APBB2: variants seen among roughly 807,000 people sequenced by gnomAD.
APBB2 encodes the protein amyloid beta precursor protein binding family B member 2, also known as Fe65-like 1.
APBB2 carries 38 observed loss-of-function variants against 82.5 expected under a neutral mutation model. That is an observed-to-expected ratio of 0.46 (90% CI 0.36 to 0.60). APBB2 has a LOEUF of 0.60. APBB2 is among the 20% of genes least tolerant of loss of function. The pLI is 0.00. For missense variants in APBB2, 772 were observed against 972.3 expected (o/e 0.79, Z 2.74); for synonymous variants, 341 against 368.2 (o/e 0.93, Z 0.85).
At chr4:40,951,057 G>A (rs1266834033) in intron 6 of APBB2, among the ~76,000 whole-genome samples, 1 of 152,124 alleles carries the variant, frequency 6.6e-6, no homozygotes, top group Non-Finnish European at 1.5e-5. Flanking sequence ...GATGTAGATG[G>A]TAAAACTATA....
chr4:41,084,904 G>A (rs1046653311), intron 3 of APBB2, among the ~76,000 whole-genome samples: 2 of 152,128 alleles, frequency 1.3e-5, no homozygotes, highest in African/African-American at 4.8e-5. Context: ...CTCAGCTTCA[G>A]TATAAGTAAG....
intron 1 of APBB2, among the ~76,000 whole-genome samples, chr4:41,168,453 C>T (rs553227593): frequency 1.5e-4 from 23 of 152,096 alleles, no homozygotes; most frequent in Admixed American, 3.3e-4. Context: ...ATTCTCCTGC[C>T]TCAGCATCCT....
At chr4:40,857,501 C>T (rs1442153008) in intron 12 of APBB2, among the ~76,000 whole-genome samples, 1 of 152,174 alleles carries the variant, frequency 6.6e-6, no homozygotes, top group African/African-American at 2.4e-5. Flanking sequence ...GACAGAGTCT[C>T]GCTCTGTCGC....
chr4:40,844,170 A>G (rs1157704843), intron 12 of APBB2, among the ~76,000 whole-genome samples: 1 of 152,166 alleles, frequency 6.6e-6, no homozygotes, highest in Non-Finnish European at 1.5e-5. Flanking sequence ...TCAAATCCAG[A>G]TGGGTAGCCA....
Position 40,908,593 on chromosome 4 carries a change from C to T in APBB2, c.1255-15182G>A, listed in dbSNP as rs1414137441. Among the ~76,000 whole-genome samples the T allele has an allele frequency of 2.0e-5, 3 of 152,220 alleles. No individual in the cohort carries two copies. In the South Asian group the frequency reaches 6.2e-4, roughly 32 times the overall value. On this transcript the variant is annotated intron_variant, in intron 10 of 17. Transcript: ENST00000508593. ...CAATCTTGGGTGCACCCAGTAGCTA[C>T]ACCCGGCTGGCACCGGAGCCCAGGG...
chr4:41,103,908 C>T (rs1320041082), intron 2 of APBB2, among the ~76,000 whole-genome samples: 3 of 152,148 alleles, frequency 2.0e-5, no homozygotes, highest in African/African-American at 4.8e-5. Context: ...CAAATACAGT[C>T]CGTCCCAATA....
intron 4 of APBB2, among the ~76,000 whole-genome samples, chr4:41,049,280 G>A (rs1327281187): frequency 3.4e-5 from 5 of 146,526 alleles, no homozygotes; most frequent in African/African-American, 7.6e-5. Flanking sequence ...CGGCCGCCCC[G>A]TCGGAGAAGT....
intron 1 of APBB2, among the ~76,000 whole-genome samples, chr4:41,146,243 T>C (rs1361123384): frequency 3.3e-5 from 5 of 149,568 alleles, no homozygotes. Flanking sequence ...GGAGGATCAC[T>C]TGAACCCAGG....
intron 3 of APBB2, among the ~76,000 whole-genome samples, chr4:41,090,162 C>T (rs1383739634): frequency 6.6e-6 from 1 of 152,188 alleles, no homozygotes. Context: ...TTGAATTTAA[C>T]ATTTCCCCTC....
intron 6 of APBB2, among the ~76,000 whole-genome samples, chr4:40,949,428 T>C (rs980586626): frequency 2.0e-5 from 3 of 152,174 alleles, no homozygotes; most frequent in African/African-American, 7.2e-5. Flanking sequence ...TTCTTTAAAA[T>C]GTTTACTTAC....
chr4:41,031,480 A>G (rs1716781966), intron 5 of APBB2, among the ~76,000 whole-genome samples: 1 of 152,210 alleles, frequency 6.6e-6, no homozygotes, highest in African/African-American at 2.4e-5. Flanking sequence ...CCGATGCATG[A>G]GAGTAGTAGC....
chr4:41,152,434 T>C lies in APBB2; in HGVS notation c.-416-9292A>G, dbSNP rs149324019. Among the ~76,000 whole-genome samples the C allele has an allele frequency of 3.9e-3, 599 of 152,172 alleles. 4 individuals are homozygous for C. The highest frequency in any genetic ancestry group is 0.013 in the African/African-American group (554 of 41,532). On this transcript the variant is annotated intron_variant, in intron 1 of 17. Coordinates refer to ENST00000508593, the MANE Select transcript of APBB2 (RefSeq NM_004307.2). ...GCCTCCTGCGTTCACACCATTCTCCTGCCTCAGCCTCCCGAGTAGCTGGGA... is the reference window on the plus strand; with the variant it reads ...GCCTCCTGCGTTCACACCATTCTCCCGCCTCAGCCTCCCGAGTAGCTGGGA...
intron 10 of APBB2, among the ~76,000 whole-genome samples, chr4:40,897,956 A>G (rs1774167081): frequency 6.6e-6 from 1 of 152,198 alleles, no homozygotes; most frequent in African/African-American, 2.4e-5. Flanking sequence ...AAAAAAATCA[A>G]CATATACACT....
chr4:40,925,809 A>G (rs1325549759), intron 10 of APBB2, among the ~76,000 whole-genome samples: 2 of 152,238 alleles, frequency 1.3e-5, no homozygotes, highest in East Asian at 1.9e-4. Flanking sequence ...AGCTGCTAAT[A>G]TAATTACTTC....
rs189873258 is a variant in APBB2, at chr4:41,045,146, T to A, written c.-50-11842A>T. On this transcript the variant is annotated intron_variant, in intron 4 of 17. Coordinates refer to ENST00000508593, the MANE Select transcript of APBB2 (RefSeq NM_004307.2). ...AATTTATTTCTAAGATGATTTTTTT[T>A]AATTTCTAATTCTTTCTTGAGTTCT... Among the ~76,000 whole-genome samples, 974 of 152,290 alleles carry A rather than the reference T, an allele frequency of 6.4e-3. 10 individuals are homozygous for A. Among genetic ancestry groups the A allele is most frequent in the South Asian group, 0.011 (55 of 4,828 alleles).
chr4:40,885,692 A>G (rs1770018711), intron 12 of APBB2, among the ~76,000 whole-genome samples: 1 of 152,154 alleles, frequency 6.6e-6, no homozygotes, highest in Non-Finnish European at 1.5e-5. Context: ...AGTAATTCCA[A>G]TTTTTCTTAA....
chr4:41,037,244 T>G (rs1172487403), intron 4 of APBB2, among the ~76,000 whole-genome samples: 1 of 152,202 alleles, frequency 6.6e-6, no homozygotes, highest in Non-Finnish European at 1.5e-5. Context: ...GCATCCAAGT[T>G]GATTGCTGTG....
At chr4:40,824,947 C>A (rs541504588) in intron 15 of APBB2, among the ~76,000 whole-genome samples, 1 of 152,196 alleles carries the variant, frequency 6.6e-6, no homozygotes, top group Non-Finnish European at 1.5e-5. Context: ...TTGGGCGTTT[C>A]ATATGAACGT....
At position 40,945,090 on chromosome 4, in the gene APBB2, C is replaced by CG; in HGVS notation, c.836-18dup. The CG allele has an allele frequency of 9.1e-6, 6 of 656,248 alleles. No individual in the cohort carries two copies. Among genetic ancestry groups the CG allele is most frequent in the Admixed American group, 3.1e-5 (1 of 32,316 alleles). The allele number at this position is 656,248 out of a possible 1,614,324, so 40.7% of individuals were successfully genotyped here. On this transcript the variant is annotated splice_polypyrimidine_tract_variant and intron_variant, in intron 6 of 17. Coordinates refer to ENST00000508593, the MANE Select transcript of APBB2 (RefSeq NM_004307.2). ...ATATATCTGCTGAAAAATTGGGGGG[C>CG]GGGGCGGGGGGAGAAAGAGAGAATT...
Sources: gnomAD v4.1 joint callset for allele counts (sites outside exome capture counted in the v4.1 genomes callset) on GRCh38, gnomAD v4.1.1 for gene constraint, MANE v1.5 for transcripts, NCBI Gene and HGNC (gene_info 2026-07-23, HGNC 2026-07-21) for gene names.